GDA: variants seen among roughly 807,000 people sequenced by gnomAD.
The protein encoded by GDA is cytoplasmic PSD-95 interactor.
In GDA, 18 loss-of-function variants were observed where a neutral mutation model predicts 59.6. The observed-to-expected ratio is 0.30, with a 90% CI of 0.21 to 0.45. The LOEUF (loss-of-function observed/expected upper bound fraction) is 0.45, where lower values mean the gene tolerates loss of function less well. Ranked by LOEUF, GDA falls within the 20% of genes least tolerant of loss-of-function variation. GDA has a pLI of 1.00. For missense variants in GDA, 427 were observed against 552.3 expected (o/e 0.77, Z 2.27); for synonymous variants, 201 against 201.1 (o/e 1.00, Z 0.00).
intron 5 of GDA, among the ~76,000 whole-genome samples, chr9:72,218,009 G>A (rs1365335825): frequency 6.6e-6 from 1 of 151,946 alleles, no homozygotes; most frequent in Non-Finnish European, 1.5e-5. Context: ...CCACTCCCGG[G>A]TTTAAACAAT....
At chr9:72,214,842 T>A (rs1024345879) in intron 5 of GDA, 1 of 210,928 alleles carries the variant, frequency 4.7e-6, no homozygotes, top group Admixed American at 6.0e-5. Flanking sequence ...CAAGAGATTC[T>A]CCTGCCTCAG....
chr9:72,225,136 C>T (rs113268726), intron 7 of GDA, among the ~76,000 whole-genome samples: 7,032 of 152,152 alleles, frequency 0.046, 210 homozygotes, highest in African/African-American at 0.084. Flanking sequence ...ACAAAATTAG[C>T]CAGGCATGGT....
intron 3 of GDA, among the ~76,000 whole-genome samples, chr9:72,207,062 T>A (rs910450632): frequency 1.4e-4 from 21 of 152,192 alleles, no homozygotes; most frequent in Non-Finnish European, 2.6e-4. Flanking sequence ...TAGTTAATTT[T>A]CTGGCCTTTG....
chr9:72,147,355 G>T (rs901239511), upstream of GDA, among the ~76,000 whole-genome samples: 3 of 152,072 alleles, frequency 2.0e-5, no homozygotes, highest in African/African-American at 7.2e-5. Context: ...CTACAGGCAC[G>T]CATCACCACA....
At chr9:72,187,908 C>T (rs1468762598) in intron 1 of GDA, among the ~76,000 whole-genome samples, 1 of 152,110 alleles carries the variant, frequency 6.6e-6, no homozygotes, top group Non-Finnish European at 1.5e-5. Flanking sequence ...TATAAAGTAG[C>T]AAAGAACTTG....
rs1836804082 is a variant in GDA at position 72,221,164 on chromosome 9, A to G, written c.606+1658A>G. Among the ~76,000 whole-genome samples, 6 of 152,268 alleles carry G rather than the reference A, an allele frequency of 3.9e-5. 1 individual carries two copies. The South Asian group carries it at 1.2e-3, about 32-fold the overall frequency. On this transcript the variant is annotated intron_variant, in intron 6 of 13. Coordinates refer to ENST00000358399, the MANE Select transcript of GDA (RefSeq NM_004293.5). ...CCACCAGAGCCAATCCTACAACTGA[A>G]TAGTGCTCAGGAAGGCTGTAACCAG...
intron 10 of GDA, among the ~76,000 whole-genome samples, chr9:72,233,828 G>A (rs1015662668): frequency 1.1e-4 from 17 of 152,104 alleles, no homozygotes; most frequent in Admixed American, 1.1e-3. Flanking sequence ...TGTAATCCCA[G>A]CTACTTGGGT....
chr9:72,183,253 C>A (rs921362473), intron 1 of GDA, among the ~76,000 whole-genome samples: 1 of 151,996 alleles, frequency 6.6e-6, no homozygotes, highest in African/African-American at 2.4e-5. Context: ...ATATATATTA[C>A]TCCTATATGT....
chr9:72,257,198 TG>T (rs1374770722), downstream of GDA: 2 of 152,294 alleles, frequency 1.3e-5, no homozygotes, highest in African/African-American at 4.8e-5. Context: ...TTCCTGACTC[TG>T]GGACCCGCGA....
intron 12 of GDA, 121 bp from the exon 13 acceptor site, chr9:72,247,285 T>G: frequency 2.7e-6 from 2 of 748,936 alleles, no homozygotes; most frequent in Non-Finnish European, 4.9e-6. Flanking sequence ...TTAATAGAAG[T>G]AGATTTTGCC....
intron 3 of GDA, among the ~76,000 whole-genome samples, chr9:72,208,127 C>A (rs200007413): frequency 8.3e-5 from 12 of 144,328 alleles, no homozygotes; most frequent in African/African-American, 2.9e-4. Context: ...ACAACAACAA[C>A]AAAAAATGGA....
chr9:72,214,682 G>C (rs190413786), intron 5 of GDA: 2 of 305,336 alleles, frequency 6.6e-6, no homozygotes, highest in Admixed American at 4.8e-5. Context: ...AGTGGAGCCA[G>C]AATTCAAAAC....
chr9:72,229,233 C>A, intron 9 of GDA: 1 of 160,942 alleles, frequency 6.2e-6, no homozygotes, highest in Non-Finnish European at 1.3e-5. Flanking sequence ...CGCCTGTAGT[C>A]CCAGCTACTC....
chr9:72,118,010 C>T (rs569289616), intron 1 of GDA, among the ~76,000 whole-genome samples: 2 of 152,128 alleles, frequency 1.3e-5, no homozygotes, highest in African/African-American at 2.4e-5. Flanking sequence ...CGGTGGCTCA[C>T]GCCTGTAATC....
downstream of GDA, among the ~76,000 whole-genome samples, chr9:72,256,057 TAATC>T (rs1236020216): frequency 7.2e-5 from 11 of 152,336 alleles, no homozygotes; most frequent in South Asian, 2.1e-4. Context: ...AAATTATAAT[TAATC>T]AGTCAGTTTG....
chr9:72,232,978 G>A (rs113059980), intron 10 of GDA, among the ~76,000 whole-genome samples: 11 of 152,352 alleles, frequency 7.2e-5, no homozygotes, highest in African/African-American at 2.6e-4. Flanking sequence ...AAAGGGCGAA[G>A]TTGGTGTATT....
At chr9:72,203,029 A>G (rs1834203893) in intron 3 of GDA, among the ~76,000 whole-genome samples, 1 of 152,182 alleles carries the variant, frequency 6.6e-6, no homozygotes, top group Admixed American at 6.5e-5. Context: ...GGGTTTAATG[A>G]ATATGTGTAT....
At chr9:72,158,165 A>G (rs1334099035) in intron 1 of GDA, among the ~76,000 whole-genome samples, 1 of 152,210 alleles carries the variant, frequency 6.6e-6, no homozygotes. Flanking sequence ...AATTTTTCAT[A>G]TATTTCAAAT....
intron 3 of GDA, among the ~76,000 whole-genome samples, chr9:72,205,125 A>AT (rs1423489710): frequency 6.6e-5 from 10 of 151,594 alleles, no homozygotes; most frequent in African/African-American, 2.2e-4. Context: ...AAAAAAAAAA[A>AT]AAAAAAATTG....
Sources: allele counts gnomAD v4.1 joint callset (sites outside exome capture counted in the v4.1 genomes callset), GRCh38; gene constraint gnomAD v4.1.1; transcripts MANE v1.5; gene names NCBI Gene and HGNC (gene_info 2026-07-23, HGNC 2026-07-21).